The following SLC35F5 variants were observed in gnomAD, a reference collection of about 807,000 sequenced individuals.
SLC35F5 encodes the protein solute carrier family 35 member F5, also known as HCV NS5A-transactivated protein 3.
A neutral mutation model predicts 68.6 loss-of-function variants in SLC35F5; 54 were observed. The observed-to-expected ratio is 0.79, with a 90% confidence interval of 0.63 to 0.99. SLC35F5 has a LOEUF of 0.99. Among genes scored for constraint, SLC35F5 ranks in the 50% least tolerant of loss-of-function variants. SLC35F5 has a pLI of 0.00. For synonymous variants in SLC35F5, 211 were observed against 205.2 expected (o/e 1.03, Z -0.24); for missense variants, 567 against 626.9 (o/e 0.90, Z 1.02).
At position 113,723,197 on chromosome 2, in the gene SLC35F5, A is replaced by G; in HGVS notation, c.1251-3T>C. 2 of 1,550,632 alleles carry G rather than the reference A, an allele frequency of 1.3e-6. No homozygotes were observed. The highest frequency in any genetic ancestry group is 2.3e-5 in the East Asian group (1 of 43,384). On this transcript the variant is annotated splice_polypyrimidine_tract_variant and splice_region_variant and intron_variant, in intron 12 of 15. Coordinates refer to ENST00000245680, the MANE Select transcript of SLC35F5 (RefSeq NM_025181.5). ...ATGATGAGGTAAGAAAGCAGCCCCTAAAAAAAAGAAAATATACATTTCTAT... is the reference window on the plus strand; with the variant it reads ...ATGATGAGGTAAGAAAGCAGCCCCTGAAAAAAAGAAAATATACATTTCTAT...
At chr2:113,743,931 A>G (rs1477256457) in intron 5 of SLC35F5, 137 bp from the exon 6 acceptor site, 5 of 557,460 alleles carry the variant, frequency 9.0e-6, no homozygotes, top group East Asian at 2.9e-5. Flanking sequence ...AGCAATTTTC[A>G]AGACTTAAAA....
chr2:113,736,459 G>A (rs1274559298), intron 7 of SLC35F5, among the ~76,000 whole-genome samples: 1 of 146,972 alleles, frequency 6.8e-6, no homozygotes, highest in Admixed American at 6.8e-5. Context: ...TAAAAAAATC[G>A]CTTTATCTAA....
At position 113,756,393 on chromosome 2, in the gene SLC35F5, C is replaced by T. The variant is rs1458361319; in HGVS notation, c.17G>A (p.Arg6His). The change falls in exon 1 of 16, where the codon CGC becomes CAC. Residue 6 changes from arginine to histidine, a missense_variant. By Grantham distance (29) the Arg-to-His change is conservative (BLOSUM62 0). Coordinates refer to ENST00000245680, the MANE Select transcript of SLC35F5 (RefSeq NM_025181.5). ...ACCTGGCCTTCCTGCCCCGCGATGG[C>T]GTCGTGGCGGCACCATGAGCGGACC... is the stretch of plus-strand genomic sequence containing the variant. MVPPRRHRGAGRPGVL... is the reference protein window; with the variant it reads MVPPRHHRGAGRPGVL... 7.0e-6 allele frequency: 11 copies of T among 1,565,078 alleles called. 1 individual carries two copies. The African/African-American group carries it at 1.5e-4, about 21-fold the overall frequency.
intron 6 of SLC35F5, among the ~76,000 whole-genome samples, chr2:113,743,268 C>G (rs1009452900): frequency 6.6e-6 from 1 of 152,082 alleles, no homozygotes; most frequent in Non-Finnish European, 1.5e-5. Context: ...TGGGCAAGCA[C>G]GCAGAACAAT....
intron 12 of SLC35F5, 98 bp downstream of exon 12, chr2:113,725,280 G>A (rs1293447982): frequency 1.8e-6 from 2 of 1,084,582 alleles, no homozygotes; most frequent in East Asian, 2.5e-5. Flanking sequence ...GCAGAATGGG[G>A]TGCACAGGAA....
At chr2:113,719,117 C>T (rs1294866618) in intron 14 of SLC35F5, 37 bp downstream of exon 14, 2 of 1,573,466 alleles carry the variant, frequency 1.3e-6, no homozygotes, top group South Asian at 2.4e-5. Context: ...ATCTAGCAAA[C>T]ACTATTTTTA....
intron 15 of SLC35F5, among the ~76,000 whole-genome samples, chr2:113,716,629 T>C (rs1443176279): frequency 2.0e-5 from 3 of 151,944 alleles, no homozygotes; most frequent in Non-Finnish European, 4.4e-5. Context: ...CGAGAACTCA[T>C]GAAACACAAG....
intron 7 of SLC35F5, chr2:113,741,908 A>G (rs1676292012): frequency 6.6e-6 from 1 of 152,184 alleles, no homozygotes; most frequent in African/African-American, 2.4e-5. Flanking sequence ...TTTTATAATC[A>G]GGCTAATAAC....
rs1316421737 is a variant in SLC35F5 at position 113,746,798 on chromosome 2, G to T, written c.418-459C>A. Among the ~76,000 whole-genome samples the T allele has an allele frequency of 1.3e-5, 2 of 151,960 alleles. 1 individual carries two copies. Among genetic ancestry groups the T allele is most frequent in the South Asian group, 4.1e-4 (2 of 4,824 alleles). ...AAAAATTAGCTAGCAGTGTTGGCAG[G>T]TGCCTGTCATCTTAGCTACTCGGGA... On this transcript the variant is annotated intron_variant, in intron 4 of 15. Transcript: ENST00000245680.
intron 9 of SLC35F5, 35 bp from the exon 10 acceptor site, chr2:113,731,683 G>T: frequency 6.6e-7 from 1 of 1,524,226 alleles, no homozygotes; most frequent in Non-Finnish European, 9.1e-7. Flanking sequence ...ATGAGCTAAA[G>T]AATTCTGAAA....
intron 7 of SLC35F5, among the ~76,000 whole-genome samples, chr2:113,740,375 C>T (rs1676210722): frequency 6.6e-6 from 1 of 152,154 alleles, no homozygotes; most frequent in South Asian, 2.1e-4. Flanking sequence ...ATCTCTCTTC[C>T]TTGGAAAAAG....
rs192511200 is a variant in SLC35F5 at position 113,753,456 on chromosome 2, C to A, written c.273+1709G>T. Among the ~76,000 whole-genome samples the A allele has an allele frequency of 9.9e-5, 15 of 152,132 alleles. No homozygotes were observed. In the East Asian group the frequency reaches 2.7e-3, roughly 27 times the overall value. On this transcript the variant is annotated intron_variant, in intron 3 of 15. Transcript: ENST00000245680. ...CTTCCCAAAGTGTTGGGATTTCAGG[C>A]GTGAGCCACTGCGCCTGGCCCTATC...
In SLC35F5 at chr2:113,742,796, A is replaced by G; in HGVS notation, c.646T>C (p.Ser216Pro). The change falls in exon 7 of 16, where the codon TCT becomes CCT. Residue 216 changes from serine to proline, a missense_variant. Coordinates refer to ENST00000245680, the MANE Select transcript of SLC35F5 (RefSeq NM_025181.5). The part of the protein sequence containing the change: ...PSSHALEAKL[S>P]RMSYPVKEQE... ...TCTTTCACAGGATATGACATGCGAG[A>G]CAACTTTGCTTCCAATGCATGACTT... 6.2e-7 allele frequency: 1 copy of G among 1,614,178 alleles called. No individual in the cohort carries two copies. Among genetic ancestry groups the G allele is most frequent in the Non-Finnish European group, 8.5e-7 (1 of 1,180,020 alleles).
chr2:113,718,909 GAA>G (rs1379625918), intron 14 of SLC35F5, among the ~76,000 whole-genome samples: 1 of 98,204 alleles, frequency 1.0e-5, no homozygotes, highest in African/African-American at 3.6e-5. Flanking sequence ...AAGAAAGAAA[GAA>G]AGAAAGAAAG....
intron 7 of SLC35F5, among the ~76,000 whole-genome samples, chr2:113,741,699 T>TAAAAAAAA (rs11448220): frequency 7.0e-6 from 1 of 142,088 alleles, no homozygotes. Flanking sequence ...GAAACTCCAT[T>TAAAAAAAA]AAAAAAAAAA....
At chr2:113,719,088 C>A (rs1230753632) in intron 14 of SLC35F5, 66 bp downstream of exon 14, 1 of 1,432,018 alleles carries the variant, frequency 7.0e-7, no homozygotes, top group Admixed American at 2.2e-5. Context: ...GCTAGGCCAG[C>A]ATGATGCAAT....
rs755066549 is a variant in SLC35F5 at position 113,742,897 on chromosome 2, A to G, written c.563-18T>C. 6.3e-7 allele frequency: 1 copy of G among 1,588,926 alleles called. No homozygotes were observed. Among genetic ancestry groups the G allele is most frequent in the South Asian group, 1.1e-5 (1 of 88,328 alleles). On this transcript the variant is annotated intron_variant, in intron 6 of 15. Coordinates refer to ENST00000245680, the MANE Select transcript of SLC35F5 (RefSeq NM_025181.5). ...TTTGGGGGCTTAAAAGGAAGAGCAT[A>G]ATATGAAATAATTAAATAATTCCTC...
In SLC35F5 at chr2:113,714,869, T is replaced by C. The variant is rs1687121044; in HGVS notation, c.*349A>G. On this transcript the variant is annotated 3_prime_UTR_variant, in exon 16 of 16. Transcript: ENST00000245680. The stretch of plus-strand genomic sequence containing the variant: ...AACATTTTCATAATATATTCCAGCA[T>C]TTAACATGTGAAAATAAAGTCCCAG... 1 of 152,610 alleles carries C rather than the reference T, an allele frequency of 6.6e-6. No homozygotes were observed. The highest frequency in any genetic ancestry group is 1.5e-5 in the Non-Finnish European group (1 of 67,988). 9.5% of individuals were successfully genotyped at this position (152,610 alleles called of 1,614,324 possible).
Position 113,755,212 on chromosome 2 carries a change from G to A in SLC35F5, c.226C>T (p.Leu76Phe). 1.2e-6 allele frequency: 2 copies of A among 1,613,980 alleles called. No homozygotes were observed. Among genetic ancestry groups the A allele is most frequent in the Non-Finnish European group, 1.7e-6 (2 of 1,179,988 alleles). ...ACCCATATCACATCAACAAGCAGAA[G>A]AATAACAATCCCAAGAGCCATTCGC... ...RRRMALGIVILLLVDVIWVAS... is the reference protein window; with the variant it reads ...RRRMALGIVIFLLVDVIWVAS... Residue 76 changes from leucine (L) to phenylalanine (F), a missense_variant, in exon 3 of 16, where the codon CTT becomes TTT. Physicochemically the swap from Leu to Phe is conservative, Grantham distance 22. Coordinates refer to ENST00000245680, the MANE Select transcript of SLC35F5 (RefSeq NM_025181.5).
Sources: allele counts gnomAD v4.1 joint callset (sites outside exome capture counted in the v4.1 genomes callset), GRCh38; gene constraint gnomAD v4.1.1; transcripts MANE v1.5; gene names NCBI Gene and HGNC (gene_info 2026-07-23, HGNC 2026-07-21).